The following WBP1L variants were observed in gnomAD, a reference collection of about 807,000 sequenced individuals.
WBP1L encodes the protein WW domain binding protein 1-like.
A neutral mutation model predicts 33.7 loss-of-function variants in WBP1L; 17 were observed. The observed-to-expected ratio is 0.50, with a 90% CI of 0.34 to 0.76. The LOEUF (loss-of-function observed/expected upper bound fraction) is 0.76, where lower values mean the gene tolerates loss of function less well. Ranked by LOEUF, WBP1L falls within the 30% of genes least tolerant of loss-of-function variation. The pLI is 0.01. For synonymous variants in WBP1L, 173 were observed against 190.8 expected, an observed-to-expected ratio of 0.91 and a Z score of 0.77; for missense variants, 389 against 469.4, an observed-to-expected ratio of 0.83 and a Z score of 1.58.
chr10:102,780,938 GTCC>G (rs1843326811), intron 1 of WBP1L, among the ~76,000 whole-genome samples: 1 of 152,174 alleles, frequency 6.6e-6, no homozygotes, highest in African/African-American at 2.4e-5. Context: ...AAGACCCATT[GTCC>G]TCCAAGTTGT....
intron 2 of WBP1L, among the ~76,000 whole-genome samples, chr10:102,804,535 C>T (rs1456914306): frequency 6.6e-6 from 1 of 151,754 alleles, no homozygotes; most frequent in African/African-American, 2.4e-5. Context: ...TGTAATCACA[C>T]TGCAGTAGTC....
rs765477904 is a variant in WBP1L, at chr10:102,812,957, A to C, written c.718A>C (p.Arg240=). Residue 240 remains arginine, a synonymous_variant, in exon 4 of 4, where the codon AGG becomes CGG. Transcript: ENST00000448841. ...CTTCCTGGACAAAGATGCAGAATGT[A>C]GGGAGGAGCTGCTGAAAGATGACAG... ...GAFLDKDAEC[R]EELLKDDSSE... 2 of 1,609,054 alleles carry C rather than the reference A, an allele frequency of 1.2e-6. No individual in the cohort carries two copies. Among genetic ancestry groups the C allele is most frequent in the Admixed American group, 3.3e-5 (2 of 59,826 alleles).
At chr10:102,745,899 T>C (rs1165349653) in intron 1 of WBP1L, among the ~76,000 whole-genome samples, 1 of 152,228 alleles carries the variant, frequency 6.6e-6, no homozygotes, top group Non-Finnish European at 1.5e-5. Flanking sequence ...AGAAATGTTA[T>C]AGCCCTCAGG....
chr10:102,804,425 A>ATTTT (rs1564769144), intron 2 of WBP1L, among the ~76,000 whole-genome samples: 3 of 150,184 alleles, frequency 2.0e-5, no homozygotes, highest in African/African-American at 7.4e-5. Flanking sequence ...TTTTTAAAAA[A>ATTTT]AAAATTATAC....
rs570030794 is a variant in WBP1L at position 102,750,561 on chromosome 10, C to T, written c.90+6418C>T. Among the ~76,000 whole-genome samples, 167 of 151,624 alleles carry T rather than the reference C, an allele frequency of 1.1e-3. 1 individual carries two copies. The highest frequency in any genetic ancestry group is 4.0e-4 in the Non-Finnish European group (27 of 67,934). On this transcript the variant is annotated intron_variant, in intron 1 of 3. Transcript: ENST00000448841. ...TTTCTTTTGAAACGGTGTCTTGCTCCGTCGCCCAGGTTGGAGTGCAAACTC... is the reference window on the plus strand; with the variant it reads ...TTTCTTTTGAAACGGTGTCTTGCTCTGTCGCCCAGGTTGGAGTGCAAACTC...
chr10:102,794,618 C>T (rs150908823), intron 1 of WBP1L, among the ~76,000 whole-genome samples: 1,684 of 152,138 alleles, frequency 0.011, 26 homozygotes, highest in African/African-American at 0.038. Flanking sequence ...GGTGTGGTGG[C>T]GTGCACCTGT....
chr10:102,791,086 T>TC (rs528914509), intron 1 of WBP1L, among the ~76,000 whole-genome samples: 114 of 152,246 alleles, frequency 7.5e-4, no homozygotes, highest in Non-Finnish European at 1.5e-3. Flanking sequence ...TAATCTGTTC[T>TC]CCCCCTCTGA....
chr10:102,809,878 T>G lies in WBP1L; in HGVS notation c.194-15T>G. On this transcript the variant is annotated splice_polypyrimidine_tract_variant and intron_variant, in intron 2 of 3. Coordinates refer to ENST00000448841, the MANE Select transcript of WBP1L (RefSeq NM_001083913.2). ...TCACTGTGTGCCTCTCTGTCTTGCC[T>G]TGCCCACCCCCCAGGGTTCTGGCTG... The G allele has an allele frequency of 3.7e-6, 6 of 1,604,158 alleles. No homozygotes were observed. The highest frequency in any genetic ancestry group is 5.1e-6 in the Non-Finnish European group (6 of 1,174,988).
intron 2 of WBP1L, among the ~76,000 whole-genome samples, chr10:102,802,281 A>G (rs985983060): frequency 2.7e-5 from 4 of 149,994 alleles, no homozygotes; most frequent in South Asian, 2.1e-4. Context: ...AGCTGGGACT[A>G]TGAGTATGTG....
intron 3 of WBP1L, among the ~76,000 whole-genome samples, chr10:102,810,386 CCTCTTTCT>C (rs1271140118): frequency 6.2e-5 from 5 of 80,236 alleles, no homozygotes; most frequent in East Asian, 2.6e-4. Context: ...TTCCTCCCTC[CCTCTTTCT>C]CTCTTTCTTT....
intron 2 of WBP1L, among the ~76,000 whole-genome samples, chr10:102,800,705 C>T (rs1843644562): frequency 6.6e-6 from 1 of 152,208 alleles, no homozygotes; most frequent in African/African-American, 2.4e-5. Context: ...GTCATGGCTT[C>T]TGCCTGGTGT....
intron 1 of WBP1L, among the ~76,000 whole-genome samples, chr10:102,764,478 G>T (rs1313283074): frequency 1.3e-5 from 2 of 152,166 alleles, no homozygotes; most frequent in Non-Finnish European, 2.9e-5. Flanking sequence ...CTGTCATCCT[G>T]TGTCACCTCA....
chr10:102,800,115 A>G (rs1277353558), intron 2 of WBP1L, among the ~76,000 whole-genome samples: 1 of 152,160 alleles, frequency 6.6e-6, no homozygotes, highest in Non-Finnish European at 1.5e-5. Context: ...TTACTAGAGG[A>G]CACACAGTGC....
At chr10:102,797,417 C>T (rs1195040124) in intron 1 of WBP1L, among the ~76,000 whole-genome samples, 1 of 152,202 alleles carries the variant, frequency 6.6e-6, no homozygotes, top group Non-Finnish European at 1.5e-5. Flanking sequence ...CTTGCCTGTC[C>T]TGTCTGAGGA....
At chr10:102,778,044 C>G (rs1199258980) in intron 1 of WBP1L, among the ~76,000 whole-genome samples, 2 of 152,148 alleles carry the variant, frequency 1.3e-5, no homozygotes, top group Admixed American at 6.5e-5. Context: ...GCGTTCATAT[C>G]CCAGCTTCCC....
intron 3 of WBP1L, among the ~76,000 whole-genome samples, chr10:102,811,315 G>A (rs1246833391): frequency 6.6e-6 from 1 of 152,032 alleles, no homozygotes; most frequent in Non-Finnish European, 1.5e-5. Flanking sequence ...TGAAAGGGGC[G>A]GGTTGGGGGG....
chr10:102,783,346 T>C (rs1372339530), intron 1 of WBP1L, among the ~76,000 whole-genome samples: 1 of 149,598 alleles, frequency 6.7e-6, no homozygotes, highest in East Asian at 1.9e-4. Context: ...GACCCCTTCA[T>C]GCTGCTGCTT....
At chr10:102,750,962 A>G (rs1842918892) in intron 1 of WBP1L, among the ~76,000 whole-genome samples, 1 of 152,052 alleles carries the variant, frequency 6.6e-6, no homozygotes, top group Admixed American at 6.6e-5. Context: ...TGAATGGTAC[A>G]CTATGTGGTC....
At chr10:102,799,677 A>G (rs1177563598) in intron 2 of WBP1L, among the ~76,000 whole-genome samples, 1 of 152,174 alleles carries the variant, frequency 6.6e-6, no homozygotes, top group African/African-American at 2.4e-5. Context: ...CACTGCCTCC[A>G]TTTGGAAACA....
Sources: allele counts gnomAD v4.1 joint callset (sites outside exome capture counted in the v4.1 genomes callset), GRCh38; gene constraint gnomAD v4.1.1; transcripts MANE v1.5; gene names NCBI Gene and HGNC (gene_info 2026-07-23, HGNC 2026-07-21).